XPR1: variants seen among roughly 807,000 people sequenced by gnomAD.
XPR1 encodes xenotropic and polytropic retrovirus receptor 1.
In XPR1, 28 loss-of-function variants were observed where a neutral mutation model predicts 87.5. That is an observed-to-expected ratio of 0.32 (90% CI 0.24 to 0.44). The LOEUF is 0.44. Ranked by LOEUF, XPR1 falls within the 20% of genes least tolerant of loss-of-function variation. The pLI is 1.00. For missense variants in XPR1, 559 were observed against 862.3 expected (o/e 0.65, Z 4.41); for synonymous variants, 300 against 306.1 (o/e 0.98, Z 0.21).
At chr1:180,694,102 C>T (rs58917243) in intron 2 of XPR1, among the ~76,000 whole-genome samples, 2,547 of 152,064 alleles carry the variant, frequency 0.017, 78 homozygotes, top group African/African-American at 0.056. Context: ...GGACTACAGG[C>T]GCATGCCAGT....
intron 9 of XPR1, among the ~76,000 whole-genome samples, chr1:180,833,705 C>G (rs1055265067): frequency 2.0e-5 from 3 of 152,082 alleles, no homozygotes; most frequent in Admixed American, 6.5e-5. Flanking sequence ...ATTCTTCAGG[C>G]GTGCATTTCA....
chr1:180,687,725 A>T (rs1487952963), intron 2 of XPR1, among the ~76,000 whole-genome samples: 1 of 152,090 alleles, frequency 6.6e-6, no homozygotes, highest in Non-Finnish European at 1.5e-5. Flanking sequence ...TCAGTTATAC[A>T]TTGCAAACAA....
chr1:180,653,083 A>C (rs182448524), intron 1 of XPR1, among the ~76,000 whole-genome samples: 109 of 152,272 alleles, frequency 7.2e-4, no homozygotes, highest in Middle Eastern at 3.4e-3. Flanking sequence ...TTTCATGGCT[A>C]GCTTACCCCT....
intron 3 of XPR1, among the ~76,000 whole-genome samples, chr1:180,794,120 A>G (rs1196323137): frequency 6.6e-5 from 10 of 152,214 alleles, no homozygotes; most frequent in Admixed American, 5.9e-4. Flanking sequence ...AGGTGATTTC[A>G]TTTTGGGAAC....
At chr1:180,764,727 C>A (rs964588760) in intron 2 of XPR1, among the ~76,000 whole-genome samples, 3 of 151,784 alleles carry the variant, frequency 2.0e-5, no homozygotes, top group Non-Finnish European at 4.4e-5. Context: ...GCCTCAGCCT[C>A]CCAAAGTGCT....
chr1:180,819,768 A>G (rs879698591), intron 7 of XPR1, among the ~76,000 whole-genome samples: 2 of 152,174 alleles, frequency 1.3e-5, no homozygotes, highest in African/African-American at 4.8e-5. Context: ...CTGTAATCCT[A>G]GCACTTTGGG....
Position 180,884,809 on chromosome 1 carries a change from C to A in XPR1, c.*743C>A, listed in dbSNP as rs1571260309. On this transcript the variant is annotated 3_prime_UTR_variant, in exon 15 of 15. Coordinates refer to ENST00000367590, the MANE Select transcript of XPR1 (RefSeq NM_004736.4). ...CATTTATGAGGGTCAGTCCCACATA[C>A]CTCTTTCAGGAGACAACTTGCACCA... 6.6e-6 allele frequency: 1 copy of A among 152,594 alleles called. No individual in the cohort carries two copies. Among genetic ancestry groups the A allele is most frequent in the Admixed American group, 6.5e-5 (1 of 15,272 alleles). The allele number at this position is 152,594 out of a possible 1,614,324, so 9.5% of individuals were successfully genotyped here. A position where few individuals can be genotyped will look rare whatever the true frequency, so the allele number is the denominator to read the frequency against.
At chr1:180,824,445 G>A (rs1650750905) in intron 7 of XPR1, among the ~76,000 whole-genome samples, 1 of 152,150 alleles carries the variant, frequency 6.6e-6, no homozygotes, top group Admixed American at 6.5e-5. Flanking sequence ...GCTGGGCGTG[G>A]TGGTGCGTGC....
intron 11 of XPR1, among the ~76,000 whole-genome samples, chr1:180,852,364 A>G (rs1394742049): frequency 1.3e-5 from 2 of 152,184 alleles, no homozygotes; most frequent in African/African-American, 2.4e-5. Flanking sequence ...TGACATTCAT[A>G]CAGTCAAGAT....
At chr1:180,633,456 A>T (rs891126699) in intron 1 of XPR1, among the ~76,000 whole-genome samples, 1 of 152,238 alleles carries the variant, frequency 6.6e-6, no homozygotes, top group African/African-American at 2.4e-5. Flanking sequence ...ATATAAGTTT[A>T]GTGATAGGAG....
chr1:180,785,046 T>TGTGTGTGTGTGTGTGTGTGTG (rs71121052), intron 2 of XPR1, among the ~76,000 whole-genome samples: 2 of 150,456 alleles, frequency 1.3e-5, no homozygotes, highest in Non-Finnish European at 3.0e-5. Flanking sequence ...TGTGTGTGTG[T>TGTGTGTGTGTGTGTGTGTGTG]TACTATAACC....
Position 180,836,676 on chromosome 1 carries a change from C to A in XPR1, c.1461C>A (p.Phe487Leu), listed in dbSNP as rs1324261587. Residue 487 changes from phenylalanine (F) to leucine (L), a missense_variant, in exon 11 of 15, where the codon TTC becomes TTA. Around this residue, in one of 7 missense-constraint regions of XPR1, gnomAD observed 264 missense variants for 377.2 expected, o/e 0.70. Coordinates refer to ENST00000367590, the MANE Select transcript of XPR1 (RefSeq NM_004736.4). ...LVNAGKYSTT[F>L]FMVTFAALYS... The stretch of plus-strand genomic sequence containing the variant: ...ATGCTGGCAAATACTCCACAACTTT[C>A]TTCATGGTGACGTTTGCAGCCCTTT... 8.1e-6 allele frequency: 13 copies of A among 1,614,102 alleles called. No homozygotes were observed. Among genetic ancestry groups the A allele is most frequent in the Non-Finnish European group, 1.1e-5 (13 of 1,180,030 alleles).
intron 11 of XPR1, among the ~76,000 whole-genome samples, chr1:180,842,454 T>C (rs1571887905): frequency 6.6e-6 from 1 of 152,230 alleles, no homozygotes; most frequent in African/African-American, 2.4e-5. Context: ...CACTCACTTA[T>C]ATTAAAAAGG....
chr1:180,779,707 G>GGGGAGA (rs201528064), intron 2 of XPR1, among the ~76,000 whole-genome samples: 1 of 151,838 alleles, frequency 6.6e-6, no homozygotes, highest in East Asian at 1.9e-4. Flanking sequence ...AGAGGGGGAG[G>GGGGAGA]GGGAGAGGGA....
intron 2 of XPR1, among the ~76,000 whole-genome samples, chr1:180,709,382 A>G (rs769720382): frequency 9.2e-5 from 14 of 152,288 alleles, no homozygotes; most frequent in Admixed American, 3.3e-4. Flanking sequence ...CCATAACCAC[A>G]CTCAAGATAG....
intron 2 of XPR1, among the ~76,000 whole-genome samples, chr1:180,779,825 GCTC>G (rs1648867424): frequency 6.6e-6 from 1 of 151,654 alleles, no homozygotes; most frequent in African/African-American, 2.4e-5. Flanking sequence ...ATCCCTCCCC[GCTC>G]CTCCTACCCC....
chr1:180,638,104 A>G (rs1654846792), intron 1 of XPR1, among the ~76,000 whole-genome samples: 1 of 152,182 alleles, frequency 6.6e-6, no homozygotes, highest in Admixed American at 6.5e-5. Context: ...GATTAAAAAA[A>G]TGAAACTTTT....
chr1:180,792,935 C>CTAT (rs1649439904), intron 3 of XPR1, among the ~76,000 whole-genome samples: 1 of 151,934 alleles, frequency 6.6e-6, no homozygotes, highest in Non-Finnish European at 1.5e-5. Context: ...TGTGTTGCTT[C>CTAT]TAATATTTCA....
At position 180,824,775 on chromosome 1, in the gene XPR1, T is replaced by C. The variant is rs1650767539; in HGVS notation, c.786T>C (p.Asp262=). 6.2e-7 allele frequency: 1 copy of C among 1,612,354 alleles called. No individual in the cohort carries two copies. Among genetic ancestry groups the C allele is most frequent in the East Asian group, 2.2e-5 (1 of 44,868 alleles). ...CAGCTGTATTTAAACTTGAAACAGA[T>C]AGAAGTATATGGCCCTTGATAAGAA... ...VLAAVFKLET[D]RSIWPLIRIY... The change falls in exon 8 of 15, where the codon GAT becomes GAC. Residue 262 remains aspartate, a synonymous_variant. Coordinates refer to ENST00000367590, the MANE Select transcript of XPR1 (RefSeq NM_004736.4).
Sources: allele counts gnomAD v4.1 joint callset (sites outside exome capture counted in the v4.1 genomes callset), GRCh38; gene constraint gnomAD v4.1.1; regional missense constraint gnomAD v4.1.1; transcripts MANE v1.5; gene names NCBI Gene and HGNC (gene_info 2026-07-23, HGNC 2026-07-21).